Variants in SEC63 observed in about 807,000 individuals in gnomAD.
SEC63 encodes the protein SEC63 protein translocation regulator.
A neutral mutation model predicts 116.2 loss-of-function variants in SEC63; 56 were observed. That is an observed-to-expected ratio of 0.48 (90% CI 0.39 to 0.60). The LOEUF is 0.60. Ranked by LOEUF, SEC63 falls within the 20% of genes least tolerant of loss-of-function variation. The pLI is 0.00. For synonymous variants in SEC63, 273 were observed against 294.6 expected (o/e 0.93, Z 0.75); for missense variants, 668 against 900.0 (o/e 0.74, Z 3.30).
At chr6:107,907,620 G>T (rs939119563) in intron 8 of SEC63, among the ~76,000 whole-genome samples, 1 of 152,112 alleles carries the variant, frequency 6.6e-6, no homozygotes, top group Admixed American at 6.5e-5. Flanking sequence ...ACAAAAGGCA[G>T]GATAGTATAG....
intron 16 of SEC63, among the ~76,000 whole-genome samples, chr6:107,888,298 G>C (rs564102282): frequency 6.6e-6 from 1 of 152,222 alleles, no homozygotes; most frequent in East Asian, 1.9e-4. Flanking sequence ...TCCTTGAAGA[G>C]GTCCTTCACA....
At chr6:107,912,314 C>T (rs1171558672) in intron 6 of SEC63, among the ~76,000 whole-genome samples, 3 of 152,174 alleles carry the variant, frequency 2.0e-5, no homozygotes, top group African/African-American at 7.2e-5. Context: ...AGTGCTCATG[C>T]TTGTAATCCC....
intron 1 of SEC63, among the ~76,000 whole-genome samples, chr6:107,932,673 G>C (rs929204195): frequency 6.6e-6 from 1 of 152,152 alleles, no homozygotes; most frequent in African/African-American, 2.4e-5. Context: ...ATATCACTAC[G>C]AATGAATGTC....
intron 1 of SEC63, among the ~76,000 whole-genome samples, chr6:107,950,931 CTT>C (rs1226891107): frequency 3.9e-5 from 6 of 152,262 alleles, no homozygotes; most frequent in East Asian, 1.9e-4. Flanking sequence ...GTTATTTTCT[CTT>C]GTCAGATAAT....
intron 2 of SEC63, among the ~76,000 whole-genome samples, chr6:107,926,529 G>A (rs759505919): frequency 2.1e-4 from 32 of 152,036 alleles, no homozygotes; most frequent in East Asian, 1.2e-3. Context: ...ATGAGCCACC[G>A]CGGCCAGCCT....
chr6:107,905,226 A>G (rs749549258), intron 10 of SEC63, among the ~76,000 whole-genome samples: 2 of 152,236 alleles, frequency 1.3e-5, no homozygotes, highest in African/African-American at 2.4e-5. Flanking sequence ...CCTGCTTCTT[A>G]CAGGTAAGTA....
intron 10 of SEC63, 78 bp from the exon 11 acceptor site, chr6:107,904,799 TA>T: frequency 9.5e-7 from 1 of 1,051,740 alleles, no homozygotes; most frequent in East Asian, 2.4e-5. Flanking sequence ...GGCCCAAAAC[TA>T]ATATTAAAGT....
intron 3 of SEC63, 59 bp from the exon 4 acceptor site, chr6:107,921,968 G>A: frequency 1.0e-6 from 1 of 970,026 alleles, no homozygotes; most frequent in South Asian, 1.3e-5. Flanking sequence ...GCACAATTCT[G>A]TAAAGAAATA....
rs1786501355 is a variant in SEC63, at chr6:107,885,248, AACACTGCAT to A, written c.1675-2111_1675-2103del. Among the ~76,000 whole-genome samples, 3 of 152,252 alleles carry A rather than the reference AACACTGCAT, an allele frequency of 2.0e-5. No homozygotes were observed. In the South Asian group the frequency reaches 6.2e-4, roughly 31 times the overall value. ...AAAACTGTCTTTATTCACAGATGGC[AACACTGCAT>A]ATGTAGAAAATCTTTATTAAAATGT... On this transcript the variant is annotated intron_variant, in intron 16 of 20. Transcript: ENST00000369002.
At chr6:107,908,052 T>A (rs1562324316) in intron 8 of SEC63, among the ~76,000 whole-genome samples, 1 of 152,222 alleles carries the variant, frequency 6.6e-6, no homozygotes, top group African/African-American at 2.4e-5. Context: ...TATTAACTCA[T>A]TCAGAAATGT....
intron 15 of SEC63, 23 bp downstream of exon 15, chr6:107,893,815 G>A (rs200663697): frequency 6.2e-7 from 1 of 1,613,412 alleles, no homozygotes; most frequent in Non-Finnish European, 8.5e-7. Context: ...AGGAAAAATA[G>A]GTTCGGAAAC....
intron 13 of SEC63, among the ~76,000 whole-genome samples, chr6:107,898,156 C>T (rs1160262003): frequency 1.3e-5 from 2 of 151,010 alleles, no homozygotes; most frequent in African/African-American, 2.4e-5. Flanking sequence ...CTCAGCTAGT[C>T]GGGAGGCTGA....
At chr6:107,951,930 G>A (rs977415764) in intron 1 of SEC63, among the ~76,000 whole-genome samples, 4 of 147,416 alleles carry the variant, frequency 2.7e-5, no homozygotes, top group Admixed American at 1.4e-4. Context: ...CTGAGACCGC[G>A]CCACTCCACT....
chr6:107,909,533 C>G (rs1310550337), intron 7 of SEC63, among the ~76,000 whole-genome samples: 2 of 152,070 alleles, frequency 1.3e-5, no homozygotes, highest in Non-Finnish European at 2.9e-5. Flanking sequence ...ATTTCTTTAG[C>G]AAATATTTAT....
chr6:107,898,043 T>G (rs987094862), intron 13 of SEC63, among the ~76,000 whole-genome samples: 1 of 152,108 alleles, frequency 6.6e-6, no homozygotes, highest in African/African-American at 2.4e-5. Context: ...GGTAGGCGGA[T>G]GGCATGAGCT....
Position 107,893,860 on chromosome 6 carries a change from T to A in SEC63, c.1478A>T (p.Glu493Val). Residue 493 changes from glutamate to valine, a missense_variant, in exon 15 of 21, where the codon GAG (glutamate) becomes GTG (valine). By Grantham distance (121) the Glu-to-Val change is moderately radical. This residue lies in a region of SEC63 where 430 missense variants were observed against 557.5 expected (regional missense o/e 0.77). Transcript: ENST00000369002. Reference protein sequence around the residue: ...FEKEQSICAAEEQPAEDGQGE... With the variant: ...FEKEQSICAAVEQPAEDGQGE... ...TACCCCATCTTCTGCTGGCTGTTCC[T>A]CTGCAGCACAGATGGACTGCTCCTT... 1 of 1,614,182 alleles carries A rather than the reference T, an allele frequency of 6.2e-7. No homozygotes were observed. The highest frequency in any genetic ancestry group is 1.1e-5 in the South Asian group (1 of 91,086).
chr6:107,906,413 C>T, intron 10 of SEC63, 35 bp downstream of exon 10: 1 of 1,610,954 alleles, frequency 6.2e-7, no homozygotes, highest in East Asian at 2.2e-5. Flanking sequence ...GCTTTCATCC[C>T]ACTAAACCTC....
At chr6:107,940,792 TA>T (rs35107353) in intron 1 of SEC63, among the ~76,000 whole-genome samples, 71 of 142,306 alleles carry the variant, frequency 5.0e-4, no homozygotes, top group Admixed American at 9.8e-4. Context: ...AAAGTATTCT[TA>T]AAAAAAAAAA....
chr6:107,876,933 A>C, intron 18 of SEC63: 1 of 387,364 alleles, frequency 2.6e-6, no homozygotes, highest in Non-Finnish European at 4.8e-6. Context: ...AAAAACCCTG[A>C]CTAACCTTAA....
Sources: allele counts gnomAD v4.1 joint callset (sites outside exome capture counted in the v4.1 genomes callset), GRCh38; gene constraint gnomAD v4.1.1; regional missense constraint gnomAD v4.1.1; transcripts MANE v1.5; gene names NCBI Gene and HGNC (gene_info 2026-07-23, HGNC 2026-07-21).